Variants in NMNAT2 observed in about 807,000 individuals in gnomAD.
NMNAT2 encodes the protein nicotinamide/nicotinic acid mononucleotide adenylyltransferase 2.
A neutral mutation model predicts 41.6 loss-of-function variants in NMNAT2; 11 were observed. The observed-to-expected ratio is 0.26, with a 90% CI of 0.17 to 0.44. The LOEUF (loss-of-function observed/expected upper bound fraction) is 0.44. Among genes scored for constraint, NMNAT2 ranks in the 20% least tolerant of loss-of-function variants. The probability of loss-of-function intolerance (pLI) is 1.00; values close to 1 mark genes in which losing one functional copy is unlikely to be tolerated. For synonymous variants in NMNAT2, 148 were observed against 151.2 expected (o/e 0.98, Z 0.16); for missense variants, 288 against 407.7 (o/e 0.71, Z 2.53).
chr1:183,361,440 G>A lies in NMNAT2; in HGVS notation c.85+56743C>T, dbSNP rs140803245. On this transcript the variant is annotated intron_variant, in intron 1 of 10. Coordinates refer to ENST00000287713, the MANE Select transcript of NMNAT2 (RefSeq NM_015039.4). ...AGTTTTCTTCACTTCTATGAGCCTC[G>A]GATTTTTCATCTGTAAAATGAAAAG... is the stretch of plus-strand genomic sequence containing the variant. 4.0e-4 allele frequency among the ~76,000 whole-genome samples: 61 copies of A among 152,128 alleles called. 2 individuals are homozygous for A. In the East Asian group the frequency reaches 0.011, roughly 27 times the overall value.
At chr1:183,262,450 C>G (rs1660686784) in intron 8 of NMNAT2, among the ~76,000 whole-genome samples, 1 of 152,070 alleles carries the variant, frequency 6.6e-6, no homozygotes, top group African/African-American at 2.4e-5. Flanking sequence ...AGTCATTTTA[C>G]CTACCTTTTT....
rs114172794 is a variant in NMNAT2, at chr1:183,351,558, A to G, written c.86-57765T>C. ...CCCCCACAGTGCCTAGAAAACCTCAACCACAGGTCAGGTACTGAACACACA... is the reference window on the plus strand; with the variant it reads ...CCCCCACAGTGCCTAGAAAACCTCAGCCACAGGTCAGGTACTGAACACACA... On this transcript the variant is annotated intron_variant, in intron 1 of 10. Transcript: ENST00000287713. 3.4e-3 allele frequency among the ~76,000 whole-genome samples: 512 copies of G among 152,258 alleles called. 4 individuals are homozygous for G. Among genetic ancestry groups the G allele is most frequent in the African/African-American group, 0.012 (491 of 41,536 alleles).
At chr1:183,318,616 G>C (rs1662300227) in intron 1 of NMNAT2, among the ~76,000 whole-genome samples, 2 of 152,180 alleles carry the variant, frequency 1.3e-5, no homozygotes, top group South Asian at 4.1e-4. Context: ...GGCCAGGACA[G>C]AATCATTGCA....
intron 7 of NMNAT2, among the ~76,000 whole-genome samples, chr1:183,280,599 GCA>G (rs1661235603): frequency 6.6e-6 from 1 of 151,692 alleles, no homozygotes; most frequent in Non-Finnish European, 1.5e-5. Flanking sequence ...TGTTGGCCAG[GCA>G]GTTCTCAAAC....
chr1:183,258,855 A>G (rs1660587483), intron 10 of NMNAT2, among the ~76,000 whole-genome samples: 1 of 152,058 alleles, frequency 6.6e-6, no homozygotes, highest in Non-Finnish European at 1.5e-5. Context: ...TCTCTGACCA[A>G]TCCGCACTCC....
At chr1:183,347,579 G>A (rs913147613) in intron 1 of NMNAT2, among the ~76,000 whole-genome samples, 5 of 152,210 alleles carry the variant, frequency 3.3e-5, no homozygotes, top group African/African-American at 4.8e-5. Flanking sequence ...CACACAGTAA[G>A]CACTCTAAAA....
At chr1:183,299,853 A>G (rs977983191) in intron 1 of NMNAT2, among the ~76,000 whole-genome samples, 1 of 152,174 alleles carries the variant, frequency 6.6e-6, no homozygotes, top group Non-Finnish European at 1.5e-5. Context: ...TAAACTATAC[A>G]TACACCTTTT....
chr1:183,366,413 T>TATC lies in NMNAT2; in HGVS notation c.85+51767_85+51769dup, dbSNP rs907673441. ...AATTAAGCACCATGTAAGCATTAAC[T>TATC]ATCATCATCATCATTAATTAGTATT... On this transcript the variant is annotated intron_variant, in intron 1 of 10. Coordinates refer to ENST00000287713, the MANE Select transcript of NMNAT2 (RefSeq NM_015039.4). Among the ~76,000 whole-genome samples the TATC allele has an allele frequency of 1.9e-4, 29 of 152,336 alleles. 1 individual carries two copies. Among genetic ancestry groups the TATC allele is most frequent in the Admixed American group, 1.9e-3 (29 of 15,304 alleles).
intron 1 of NMNAT2, among the ~76,000 whole-genome samples, chr1:183,301,016 G>T (rs1006447469): frequency 2.0e-5 from 3 of 152,222 alleles, no homozygotes; most frequent in African/African-American, 7.2e-5. Context: ...AGTGGGGCAG[G>T]ATTGTTTAAG....
intron 1 of NMNAT2, among the ~76,000 whole-genome samples, chr1:183,296,535 T>C (rs7535453): frequency 0.6 from 91,053 of 150,816 alleles, 27,824 homozygotes; most frequent in Middle Eastern, 0.67. Flanking sequence ...TTTTTTTTGA[T>C]GGAGTCTAGC....
At chr1:183,403,708 C>T (rs376563660) in intron 1 of NMNAT2, among the ~76,000 whole-genome samples, 2 of 152,352 alleles carry the variant, frequency 1.3e-5, no homozygotes, top group East Asian at 3.9e-4. Flanking sequence ...TGGACTTAAA[C>T]ATTCCACAAG....
chr1:183,304,483 CAGA>C (rs1486578146), intron 1 of NMNAT2, among the ~76,000 whole-genome samples: 2 of 152,158 alleles, frequency 1.3e-5, no homozygotes, highest in East Asian at 3.9e-4. Flanking sequence ...GACTGGCCAG[CAGA>C]AGGTGCGGGC....
intron 8 of NMNAT2, among the ~76,000 whole-genome samples, chr1:183,264,665 G>A (rs1357799075): frequency 1.3e-5 from 2 of 152,158 alleles, no homozygotes. Flanking sequence ...TGTTCATGGT[G>A]GACGGTATTT....
chr1:183,373,040 C>A (rs1459596277), intron 1 of NMNAT2, among the ~76,000 whole-genome samples: 2 of 152,234 alleles, frequency 1.3e-5, no homozygotes, highest in African/African-American at 4.8e-5. Context: ...CTCATCCCTG[C>A]AGCTGACAGA....
chr1:183,307,999 G>A (rs1049802797), intron 1 of NMNAT2, among the ~76,000 whole-genome samples: 4 of 152,204 alleles, frequency 2.6e-5, no homozygotes, highest in African/African-American at 9.7e-5. Context: ...GATGATGGAT[G>A]GGGGAGAGCT....
intron 1 of NMNAT2, among the ~76,000 whole-genome samples, chr1:183,336,759 A>G (rs1360863685): frequency 1.3e-5 from 2 of 152,244 alleles, no homozygotes; most frequent in Non-Finnish European, 2.9e-5. Context: ...TTACACAAGA[A>G]TGTTTCTAGC....
intron 1 of NMNAT2, among the ~76,000 whole-genome samples, chr1:183,368,535 A>C (rs1663462710): frequency 6.6e-6 from 1 of 152,142 alleles, no homozygotes; most frequent in Non-Finnish European, 1.5e-5. Flanking sequence ...GATCTGAAGG[A>C]GCTCAACCGC....
chr1:183,326,763 A>G (rs1411590523), intron 1 of NMNAT2, among the ~76,000 whole-genome samples: 1 of 152,196 alleles, frequency 6.6e-6, no homozygotes, highest in Non-Finnish European at 1.5e-5. Flanking sequence ...CAAGATTGCA[A>G]TGGACAAGGT....
intron 1 of NMNAT2, among the ~76,000 whole-genome samples, chr1:183,339,066 A>G (rs1204151943): frequency 6.6e-6 from 1 of 152,010 alleles, no homozygotes; most frequent in African/African-American, 2.4e-5. Flanking sequence ...GGGTAGGCAC[A>G]ACAGCTCCAG....
Sources: allele counts gnomAD v4.1 joint callset (sites outside exome capture counted in the v4.1 genomes callset), GRCh38; gene constraint gnomAD v4.1.1; transcripts MANE v1.5; gene names NCBI Gene and HGNC (gene_info 2026-07-23, HGNC 2026-07-21).